The following TNN variants were observed in gnomAD, a reference collection of about 807,000 sequenced individuals.
TNN encodes the protein tenascin-N.
In TNN, 122 loss-of-function variants were observed where a neutral mutation model predicts 134.4. That is an observed-to-expected ratio of 0.91 (90% CI 0.78 to 1.06). The LOEUF is 1.06. Ranked by LOEUF, TNN falls within the 50% of genes least tolerant of loss-of-function variation. The probability of loss-of-function intolerance (pLI) is 0.00; values close to 1 mark genes in which losing one functional copy is unlikely to be tolerated. For synonymous variants in TNN, 710 were observed against 670.3 expected (o/e 1.06, Z -0.91); for missense variants, 1,739 against 1,699.4 (o/e 1.02, Z -0.41).
chr1:175,127,643 T>C (rs1344095122), intron 13 of TNN, among the ~76,000 whole-genome samples: 1 of 152,198 alleles, frequency 6.6e-6, no homozygotes, highest in Non-Finnish European at 1.5e-5. Flanking sequence ...CAGATATCAG[T>C]GGCCAGTTTC....
chr1:175,135,632 C>G (rs1675780868), intron 15 of TNN, among the ~76,000 whole-genome samples: 1 of 152,190 alleles, frequency 6.6e-6, no homozygotes, highest in Non-Finnish European at 1.5e-5. Flanking sequence ...TGCTTTTGCT[C>G]TACATGTCTT....
intron 9 of TNN, among the ~76,000 whole-genome samples, chr1:175,106,167 C>A (rs1355253962): frequency 1.4e-5 from 2 of 145,590 alleles, no homozygotes; most frequent in African/African-American, 5.0e-5. Context: ...TTCTCAAAAA[C>A]CTGTTAGAGT....
At chr1:175,119,297 C>A (rs1675280463) in intron 11 of TNN, among the ~76,000 whole-genome samples, 1 of 152,218 alleles carries the variant, frequency 6.6e-6, no homozygotes, top group Non-Finnish European at 1.5e-5. Flanking sequence ...GACTTCCTGA[C>A]ATTGCCTTGG....
chr1:175,116,888 C>G, intron 9 of TNN, 51 bp from the exon 10 acceptor site: 1 of 1,613,402 alleles, frequency 6.2e-7, no homozygotes. Context: ...CCAGATCTCA[C>G]TCTTTGGTAC....
chr1:175,076,072 T>G (rs947294620), intron 1 of TNN, among the ~76,000 whole-genome samples: 2 of 152,204 alleles, frequency 1.3e-5, no homozygotes, highest in African/African-American at 2.4e-5. Flanking sequence ...CTGAGGTTCC[T>G]GTGAGCAAAA....
At chr1:175,073,908 G>A (rs1375211348) in intron 1 of TNN, among the ~76,000 whole-genome samples, 3 of 152,136 alleles carry the variant, frequency 2.0e-5, no homozygotes, top group Non-Finnish European at 2.9e-5. Flanking sequence ...CCTGCTGAAC[G>A]GTGGACCTGC....
intron 5 of TNN, among the ~76,000 whole-genome samples, chr1:175,084,246 A>T (rs569129769): frequency 6.6e-6 from 1 of 152,192 alleles, no homozygotes; most frequent in African/African-American, 2.4e-5. Context: ...TTGATGGTGT[A>T]TAGATATTCC....
At chr1:175,137,397 T>TGTGAGA (rs10638677) in intron 17 of TNN, among the ~76,000 whole-genome samples, 2 of 149,382 alleles carry the variant, frequency 1.3e-5, no homozygotes, top group Non-Finnish European at 3.0e-5. Flanking sequence ...TGTGTGATTA[T>TGTGAGA]TTGAGCTTTT....
rs192677978 is a variant in TNN at position 175,133,258 on chromosome 1, T to G, written c.3331-2587T>G. Among the ~76,000 whole-genome samples the G allele has an allele frequency of 9.1e-4, 138 of 152,338 alleles. 1 individual carries two copies. Among genetic ancestry groups the G allele is most frequent in the African/African-American group, 3.2e-3 (131 of 41,582 alleles). On this transcript the variant is annotated intron_variant, in intron 15 of 18. Transcript: ENST00000239462. ...CAATTTACTGTGACTGGAACTGCCT[T>G]CCTTCTCCAAACAGTGGAATTTTTG...
chr1:175,121,197 TA>T (rs1213164831), intron 11 of TNN, among the ~76,000 whole-genome samples: 1 of 152,244 alleles, frequency 6.6e-6, no homozygotes, highest in Non-Finnish European at 1.5e-5. Flanking sequence ...CTGTGCCGAT[TA>T]TAGAATACTT....
At chr1:175,117,593 T>C (rs1479045310) in intron 10 of TNN, among the ~76,000 whole-genome samples, 1 of 152,210 alleles carries the variant, frequency 6.6e-6, no homozygotes, top group Non-Finnish European at 1.5e-5. Context: ...ACATCTGCCA[T>C]AGCAAGGAGA....
At chr1:175,080,909 C>T (rs1319485021) in intron 4 of TNN, among the ~76,000 whole-genome samples, 3 of 152,198 alleles carry the variant, frequency 2.0e-5, no homozygotes, top group Non-Finnish European at 2.9e-5. Flanking sequence ...GATGGTGACA[C>T]ACTAAGACCT....
At chr1:175,129,092 A>C (rs951346803) in intron 15 of TNN, among the ~76,000 whole-genome samples, 3 of 152,132 alleles carry the variant, frequency 2.0e-5, no homozygotes, top group Non-Finnish European at 2.9e-5. Context: ...GAATGCATGC[A>C]CCCTATGTAC....
intron 11 of TNN, among the ~76,000 whole-genome samples, chr1:175,119,497 C>A (rs1675287622): frequency 6.6e-6 from 1 of 152,208 alleles, no homozygotes; most frequent in Non-Finnish European, 1.5e-5. Context: ...AATGCCTTAA[C>A]CATCTGGGAA....
At chr1:175,115,326 T>A (rs1675136725) in intron 9 of TNN, among the ~76,000 whole-genome samples, 1 of 141,472 alleles carries the variant, frequency 7.1e-6, no homozygotes, top group Non-Finnish European at 1.6e-5. Context: ...CTGGGGAGCT[T>A]CCCTGAGGAG....
rs1420712935 is a variant in TNN, at chr1:175,131,658, CTTA to C, written c.3330+2917_3330+2919del. ...AACATTTATTGAGAGATCATAATAA[CTTA>C]TTATATCTATATATGCCAGGGTCTG... On this transcript the variant is annotated intron_variant, in intron 15 of 18. Coordinates refer to ENST00000239462, the MANE Select transcript of TNN (RefSeq NM_022093.2). 7.9e-5 allele frequency among the ~76,000 whole-genome samples: 12 copies of C among 152,224 alleles called. 1 individual carries two copies. The South Asian group carries it at 1.5e-3, about 18-fold the overall frequency.
rs190577191 is a variant in TNN at position 175,131,957 on chromosome 1, T to C, written c.3330+3211T>C. ...ACACACACACACACACACACACACATCGCTGGAAAGCTCCTATCAAGCTTG... is the reference window on the plus strand; with the variant it reads ...ACACACACACACACACACACACACACCGCTGGAAAGCTCCTATCAAGCTTG... On this transcript the variant is annotated intron_variant, in intron 15 of 18. Coordinates refer to ENST00000239462, the MANE Select transcript of TNN (RefSeq NM_022093.2). Among the ~76,000 whole-genome samples the C allele has an allele frequency of 9.4e-3, 635 of 67,640 alleles. 5 individuals are homozygous for C. Among genetic ancestry groups the C allele is most frequent in the African/African-American group, 0.039 (571 of 14,806 alleles). 44.4% of individuals were successfully genotyped at this position (67,640 alleles called of 152,430 possible). A position where few individuals can be genotyped will look rare whatever the true frequency, so the allele number is the denominator to read the frequency against.
At position 175,147,098 on chromosome 1, in the gene TNN, A is replaced by G. The variant is rs1349244337; in HGVS notation, c.*27A>G. The G allele has an allele frequency of 1.3e-6, 2 of 1,516,892 alleles. No individual in the cohort carries two copies. The highest frequency in any genetic ancestry group is 1.8e-6 in the Non-Finnish European group (2 of 1,124,434). 94.0% of individuals were successfully genotyped at this position (1,516,892 alleles called of 1,614,324 possible). On this transcript the variant is annotated 3_prime_UTR_variant, in exon 19 of 19. Transcript: ENST00000239462. ...GGCCCGTGTGAGCAGTCCTCGCAGG[A>G]GACACCACCAGCTGTGGCAGCTTGG...
At chr1:175,128,778 G>C in intron 15 of TNN, 32 bp downstream of exon 15, 2 of 1,580,394 alleles carry the variant, frequency 1.3e-6, no homozygotes, top group Non-Finnish European at 1.7e-6. Flanking sequence ...GGAGCTCTGT[G>C]TAGGGCCTTC....
Sources: gnomAD v4.1 joint callset for allele counts (sites outside exome capture counted in the v4.1 genomes callset) on GRCh38, gnomAD v4.1.1 for gene constraint, MANE v1.5 for transcripts, NCBI Gene and HGNC (gene_info 2026-07-23, HGNC 2026-07-21) for gene names.